Variants in CNTNAP2 observed in about 807,000 individuals in gnomAD.
CNTNAP2 encodes the protein contactin associated protein 2.
Under a neutral mutation model 155.2 loss-of-function variants are expected in CNTNAP2, and 98 were observed. That is an observed-to-expected ratio of 0.63 (90% confidence interval 0.54 to 0.75). The LOEUF is 0.75. Among genes scored for constraint, CNTNAP2 ranks in the 30% least tolerant of loss-of-function variants. The probability of loss-of-function intolerance (pLI) is 0.00; values close to 1 mark genes in which losing one functional copy is unlikely to be tolerated. For synonymous variants in CNTNAP2, 651 were observed against 631.2 expected, an observed-to-expected ratio of 1.03 and a Z score of -0.47; for missense variants, 1,727 against 1,688.1, an observed-to-expected ratio of 1.02 and a Z score of -0.40.
intron 8 of CNTNAP2, among the ~76,000 whole-genome samples, chr7:147,158,720 T>C (rs1801971649): frequency 1.3e-5 from 2 of 152,182 alleles, no homozygotes; most frequent in South Asian, 4.1e-4. Context: ...TGATGGAGTT[T>C]TCTGTCTCTA....
chr7:147,864,758 A>G (rs1488221694), intron 13 of CNTNAP2, among the ~76,000 whole-genome samples: 1 of 152,028 alleles, frequency 6.6e-6, no homozygotes, highest in Non-Finnish European at 1.5e-5. Flanking sequence ...GGAATGCTTG[A>G]TTTTTGCACA....
At chr7:146,465,628 G>A (rs892447489) in intron 1 of CNTNAP2, among the ~76,000 whole-genome samples, 3 of 152,122 alleles carry the variant, frequency 2.0e-5, no homozygotes, top group African/African-American at 7.2e-5. Context: ...ACACAAGATG[G>A]CTAAATGTTT....
intron 4 of CNTNAP2, among the ~76,000 whole-genome samples, chr7:147,067,141 A>G (rs1187263678): frequency 6.6e-6 from 1 of 152,100 alleles, no homozygotes; most frequent in Non-Finnish European, 1.5e-5. Flanking sequence ...AAATACAAAA[A>G]TTAGCCGGGC....
intron 16 of CNTNAP2, among the ~76,000 whole-genome samples, chr7:148,127,525 G>A (rs1401685335): frequency 3.3e-5 from 5 of 152,222 alleles, no homozygotes; most frequent in Middle Eastern, 6.8e-3. Flanking sequence ...TGCAGGCAGC[G>A]GCCTAATGTC....
intron 13 of CNTNAP2, among the ~76,000 whole-genome samples, chr7:147,736,102 G>T (rs1796838115): frequency 6.6e-6 from 1 of 151,088 alleles, no homozygotes; most frequent in Non-Finnish European, 1.5e-5. Context: ...AGTTGATGCA[G>T]TTTCTTCCTA....
intron 1 of CNTNAP2, among the ~76,000 whole-genome samples, chr7:146,599,924 G>A (rs1798924794): frequency 6.6e-6 from 1 of 152,088 alleles, no homozygotes; most frequent in African/African-American, 2.4e-5. Flanking sequence ...TGTGTAAAAT[G>A]TTGATTTATA....
At chr7:147,198,232 C>CTGTTTTT (rs1802844862) in intron 8 of CNTNAP2, among the ~76,000 whole-genome samples, 8 of 113,088 alleles carry the variant, frequency 7.1e-5, no homozygotes, top group African/African-American at 9.6e-5. Flanking sequence ...TTCCAATATC[C>CTGTTTTT]TTTTTTTTTT....
At chr7:146,778,861 C>T (rs1056280419) in intron 2 of CNTNAP2, among the ~76,000 whole-genome samples, 1 of 152,166 alleles carries the variant, frequency 6.6e-6, no homozygotes, top group African/African-American at 2.4e-5. Flanking sequence ...GACAGCCATC[C>T]ACCACGTGGT....
chr7:147,211,344 C>G (rs771581417), intron 8 of CNTNAP2, among the ~76,000 whole-genome samples: 2 of 151,840 alleles, frequency 1.3e-5, no homozygotes, highest in African/African-American at 4.8e-5. Flanking sequence ...ATGACAGTTA[C>G]GTCTTCTCAT....
At chr7:147,760,795 T>G (rs1797286754) in intron 13 of CNTNAP2, among the ~76,000 whole-genome samples, 1 of 152,216 alleles carries the variant, frequency 6.6e-6, no homozygotes, top group African/African-American at 2.4e-5. Context: ...TCTTAGATTT[T>G]GGGAATACTG....
At chr7:146,370,901 T>A (rs912001286) in intron 1 of CNTNAP2, among the ~76,000 whole-genome samples, 1 of 152,204 alleles carries the variant, frequency 6.6e-6, no homozygotes, top group Non-Finnish European at 1.5e-5. Context: ...CTTTGTGATC[T>A]ATCAAATTTA....
At chr7:146,187,410 G>T (rs578207959) in intron 1 of CNTNAP2, among the ~76,000 whole-genome samples, 1 of 152,130 alleles carries the variant, frequency 6.6e-6, no homozygotes, top group Non-Finnish European at 1.5e-5. Context: ...AGAGAAAATG[G>T]CATGGGCCAC....
rs557707358 is a variant in CNTNAP2 at position 147,444,525 on chromosome 7, CT to C, written c.1671-41393del. On this transcript the variant is annotated intron_variant, in intron 10 of 23. Transcript: ENST00000361727. ...ATTTCTTTTAGTCTAATTAAATTTTCTTTTTTTTTTTTTTTTTACTAGCATC... is the reference window on the plus strand; with the variant it reads ...ATTTCTTTTAGTCTAATTAAATTTTCTTTTTTTTTTTTTTTTACTAGCATC... Among the ~76,000 whole-genome samples the C allele has an allele frequency of 8.4e-3, 1,110 of 131,772 alleles. 15 individuals are homozygous for C. The highest frequency in any genetic ancestry group is 0.084 in the East Asian group (356 of 4,244). The allele number at this position is 131,772 out of a possible 152,430, so 86.4% of individuals were successfully genotyped here. A position where few individuals can be genotyped will look rare whatever the true frequency, so the allele number is the denominator to read the frequency against.
At chr7:146,798,619 C>G (rs1427606068) in intron 2 of CNTNAP2, among the ~76,000 whole-genome samples, 1 of 152,154 alleles carries the variant, frequency 6.6e-6, no homozygotes, top group Non-Finnish European at 1.5e-5. Context: ...TGTTGTGATT[C>G]CAGGCATGAG....
chr7:146,404,981 G>A (rs1029221736), intron 1 of CNTNAP2, among the ~76,000 whole-genome samples: 1 of 152,116 alleles, frequency 6.6e-6, no homozygotes, highest in African/African-American at 2.4e-5. Flanking sequence ...TAGGTGATAT[G>A]TCTTTCTAAG....
chr7:147,391,899 A>G (rs1796724792), intron 9 of CNTNAP2, among the ~76,000 whole-genome samples: 1 of 151,970 alleles, frequency 6.6e-6, no homozygotes, highest in African/African-American at 2.4e-5. Flanking sequence ...TTGAAAGAGC[A>G]TTTTACTTTA....
intron 11 of CNTNAP2, among the ~76,000 whole-genome samples, chr7:147,487,234 A>G (rs1054915996): frequency 7.9e-5 from 12 of 152,216 alleles, no homozygotes; most frequent in African/African-American, 2.7e-4. Flanking sequence ...AGGCAAAGGA[A>G]ATCTTGACAA....
At chr7:148,134,888 G>C in intron 16 of CNTNAP2, among the ~76,000 whole-genome samples, 1 of 151,972 alleles carries the variant, frequency 6.6e-6, no homozygotes. Flanking sequence ...TATCATTTTG[G>C]TGTCTATATT....
At chr7:146,949,530 C>G (rs1295485166) in intron 3 of CNTNAP2, among the ~76,000 whole-genome samples, 1 of 152,146 alleles carries the variant, frequency 6.6e-6, no homozygotes, top group Non-Finnish European at 1.5e-5. Flanking sequence ...CTTTTCAAAG[C>G]TGCTAATTTA....
Sources: gnomAD v4.1 joint callset for allele counts (sites outside exome capture counted in the v4.1 genomes callset) on GRCh38, gnomAD v4.1.1 for gene constraint, MANE v1.5 for transcripts, NCBI Gene and HGNC (gene_info 2026-07-23, HGNC 2026-07-21) for gene names.